Variants in DDC observed in about 807,000 individuals in gnomAD.
The protein encoded by DDC is dopa decarboxylase.
A neutral mutation model predicts 60.0 loss-of-function variants in DDC; 43 were observed. That is an observed-to-expected ratio of 0.72 (90% CI 0.56 to 0.92). The LOEUF (loss-of-function observed/expected upper bound fraction) is 0.92. Ranked by LOEUF, DDC falls within the 40% of genes least tolerant of loss-of-function variation. DDC has a pLI of 0.00. For missense variants in DDC, 573 were observed against 620.2 expected, an observed-to-expected ratio of 0.92 and a Z score of 0.81; for synonymous variants, 232 against 234.6, an observed-to-expected ratio of 0.99 and a Z score of 0.10.
At chr7:50,482,310 A>G (rs2042787329) in intron 9 of DDC, among the ~76,000 whole-genome samples, 1 of 152,236 alleles carries the variant, frequency 6.6e-6, no homozygotes, top group Non-Finnish European at 1.5e-5. Flanking sequence ...AGGGTGAGTA[A>G]CTTTGTATTT....
chr7:50,531,962 T>G lies in DDC; in HGVS notation c.436-2620A>C, dbSNP rs540417409. On this transcript the variant is annotated intron_variant, in intron 4 of 14. Transcript: ENST00000444124. ...GAAATGTCCTTTCATCTTCAGTTTT[T>G]TTCGAAGCAAAAAATTGTCTTTTCT... The G allele has an allele frequency of 2.0e-5, 3 of 152,328 alleles. No homozygotes were observed. The East Asian group carries it at 5.8e-4, about 29-fold the overall frequency. 9.4% of individuals were successfully genotyped at this position (152,328 alleles called of 1,614,324 possible).
intron 9 of DDC, among the ~76,000 whole-genome samples, chr7:50,488,486 G>A (rs1022798151): frequency 1.3e-5 from 2 of 150,616 alleles, no homozygotes; most frequent in African/African-American, 2.4e-5. Context: ...TGACAAAAAT[G>A]TTGTGTGATA....
At chr7:50,485,106 A>G (rs1430074094) in intron 9 of DDC, among the ~76,000 whole-genome samples, 2 of 152,228 alleles carry the variant, frequency 1.3e-5, no homozygotes, top group Non-Finnish European at 2.9e-5. Flanking sequence ...ACACTATAAA[A>G]TAATTTGTGG....
At chr7:50,530,828 G>C (rs911281575) in intron 4 of DDC, among the ~76,000 whole-genome samples, 7 of 152,112 alleles carry the variant, frequency 4.6e-5, no homozygotes, top group Non-Finnish European at 8.8e-5. Flanking sequence ...TAACATGATA[G>C]GTTTTTACAG....
intron 2 of DDC, chr7:50,542,562 A>G (rs555630056): frequency 3.5e-4 from 53 of 152,384 alleles, no homozygotes; most frequent in African/African-American, 1.2e-3. Flanking sequence ...GCTCCCACCC[A>G]GGGACCTTGC....
At chr7:50,463,090 A>C in intron 14 of DDC, 123 bp downstream of exon 14, 1 of 784,888 alleles carries the variant, frequency 1.3e-6, no homozygotes, top group South Asian at 1.6e-5. Flanking sequence ...TTTTAAGGTG[A>C]GGGAAATGCA....
At chr7:50,515,370 C>T (rs1237212196) in intron 6 of DDC, among the ~76,000 whole-genome samples, 1 of 152,120 alleles carries the variant, frequency 6.6e-6, no homozygotes, top group Non-Finnish European at 1.5e-5. Flanking sequence ...AGAGAATTCA[C>T]CATTACCAAG....
intron 2 of DDC, 47 bp downstream of exon 2, chr7:50,543,838 A>G (rs1013057677): frequency 6.4e-7 from 1 of 1,551,098 alleles, no homozygotes; most frequent in African/African-American, 1.4e-5. Context: ...AGTAGGTGCT[A>G]TGTGAGTTCT....
At chr7:50,523,514 G>T (rs1461590694) in intron 6 of DDC, among the ~76,000 whole-genome samples, 3 of 152,106 alleles carry the variant, frequency 2.0e-5, no homozygotes, top group African/African-American at 7.2e-5. Flanking sequence ...CAAAAGACCT[G>T]AACAGACATC....
At chr7:50,528,319 G>T in intron 5 of DDC, 39 bp from the exon 6 acceptor site, 1 of 1,613,288 alleles carries the variant, frequency 6.2e-7, no homozygotes, top group Non-Finnish European at 8.5e-7. Flanking sequence ...GTACAGGTGT[G>T]TGCATGCAGT....
chr7:50,514,883 A>T (rs1433717669), intron 6 of DDC, among the ~76,000 whole-genome samples: 4 of 152,222 alleles, frequency 2.6e-5, no homozygotes, highest in Admixed American at 2.6e-4. Context: ...AGAAAAAAGA[A>T]TAAGAAAATA....
rs144741563 is a variant in DDC at position 50,512,934 on chromosome 7, G to T, written c.715-8875C>A. 4.2e-3 allele frequency among the ~76,000 whole-genome samples: 645 copies of T among 152,288 alleles called. 4 individuals are homozygous for T. Among genetic ancestry groups the T allele is most frequent in the African/African-American group, 0.014 (598 of 41,546 alleles). The stretch of plus-strand genomic sequence containing the variant: ...ACACAGGCTCAGAAAATAACTGAAA[G>T]AACCTTACATTTATACCTAAGGCCA... On this transcript the variant is annotated intron_variant, in intron 6 of 14. Transcript: ENST00000444124.
At chr7:50,517,238 C>T (rs2043758375) in intron 6 of DDC, among the ~76,000 whole-genome samples, 1 of 152,128 alleles carries the variant, frequency 6.6e-6, no homozygotes, top group South Asian at 2.1e-4. Flanking sequence ...AAGTGGGTTT[C>T]ATACCAGGGA....
intron 1 of DDC, among the ~76,000 whole-genome samples, chr7:50,545,542 G>A (rs1322464591): frequency 6.6e-6 from 1 of 152,082 alleles, no homozygotes; most frequent in Non-Finnish European, 1.5e-5. Context: ...GCACGATCTC[G>A]GCTCACTGCA....
intron 6 of DDC, among the ~76,000 whole-genome samples, chr7:50,523,256 G>A (rs773079560): frequency 1.3e-5 from 2 of 152,128 alleles, no homozygotes; most frequent in Non-Finnish European, 2.9e-5. Flanking sequence ...GATGACCTTA[G>A]GATTGATGAT....
intron 2 of DDC, among the ~76,000 whole-genome samples, chr7:50,540,369 A>G (rs2044584188): frequency 6.6e-6 from 1 of 152,178 alleles, no homozygotes; most frequent in Admixed American, 6.5e-5. Context: ...ACTGTGCTTC[A>G]AGTTCTTGCT....
chr7:50,460,078 CG>C (rs2042230860), intron 14 of DDC, among the ~76,000 whole-genome samples: 1 of 143,748 alleles, frequency 7.0e-6, no homozygotes, highest in South Asian at 2.2e-4. Context: ...GCCCCCCGCC[CG>C]GCCAGCCGCC....
chr7:50,475,634 G>A (rs1000194555), intron 11 of DDC, among the ~76,000 whole-genome samples: 4 of 152,028 alleles, frequency 2.6e-5, no homozygotes, highest in African/African-American at 9.7e-5. Flanking sequence ...CACCTCTGTC[G>A]GGAAATGGCA....
At chr7:50,559,918 G>A (rs2045301757) in intron 1 of DDC, among the ~76,000 whole-genome samples, 1 of 152,198 alleles carries the variant, frequency 6.6e-6, no homozygotes, top group Non-Finnish European at 1.5e-5. Context: ...GGAGTTAAGG[G>A]GGATTTATTT....
Sources: allele counts gnomAD v4.1 joint callset (sites outside exome capture counted in the v4.1 genomes callset), GRCh38; gene constraint gnomAD v4.1.1; transcripts MANE v1.5; gene names NCBI Gene and HGNC (gene_info 2026-07-23, HGNC 2026-07-21).